TCAIM: variants seen among roughly 807,000 people sequenced by gnomAD.
TCAIM encodes T cell activation inhibitor, mitochondrial, also known as T-cell activation inhibitor, mitochondrial.
TCAIM carries 36 observed loss-of-function variants against 58.6 expected under a neutral mutation model. That is an observed-to-expected ratio of 0.61 (90% CI 0.47 to 0.81). The LOEUF (loss-of-function observed/expected upper bound fraction) is 0.81, where lower values mean the gene tolerates loss of function less well. Ranked by LOEUF, TCAIM falls within the 30% of genes least tolerant of loss-of-function variation. The probability of loss-of-function intolerance (pLI) is 0.00; values close to 1 mark genes in which losing one functional copy is unlikely to be tolerated. For synonymous variants in TCAIM, 172 were observed against 193.6 expected (o/e 0.89, Z 0.93); for missense variants, 466 against 579.6 (o/e 0.80, Z 2.01).
intron 1 of TCAIM, chr3:44,340,026 T>C (rs1700824419): frequency 6.6e-6 from 1 of 152,182 alleles, no homozygotes; most frequent in Non-Finnish European, 1.5e-5. Flanking sequence ...CAAGTGGAAG[T>C]ATAGTGGGCT....
At chr3:44,378,796 CAAAA>C (rs777858437) in intron 5 of TCAIM, among the ~76,000 whole-genome samples, 1 of 121,668 alleles carries the variant, frequency 8.2e-6, no homozygotes, top group Admixed American at 8.5e-5. Context: ...GACTCTGTCT[CAAAA>C]AAAAAAAAAA....
chr3:44,343,446 A>G (rs1309112162), intron 1 of TCAIM, among the ~76,000 whole-genome samples: 1 of 152,226 alleles, frequency 6.6e-6, no homozygotes, highest in African/African-American at 2.4e-5. Context: ...TTTACTTTTT[A>G]AAAAGTAAAA....
In TCAIM at chr3:44,392,870, C is replaced by T; in HGVS notation, c.588C>T (p.Asn196=). The change falls in exon 6 of 11, where the codon AAC becomes AAT. Residue 196 remains asparagine, a synonymous_variant. Coordinates refer to ENST00000342649, the MANE Select transcript of TCAIM (RefSeq NM_173826.4). ...CTCTTTCTAGATCCTGGTTAGATAA[C>T]AATGGGAAAAGTGCTGTTAAAAAGC... ...VETTLTSWLD[N]NGKSAVKKLK... 6.2e-7 allele frequency: 1 copy of T among 1,612,616 alleles called. No homozygotes were observed.
intron 5 of TCAIM, among the ~76,000 whole-genome samples, chr3:44,385,555 C>A (rs902033388): frequency 6.6e-6 from 1 of 151,592 alleles, no homozygotes; most frequent in African/African-American, 2.4e-5. Flanking sequence ...TCCTGGCTAA[C>A]GTGGTGAAAC....
intron 5 of TCAIM, chr3:44,367,963 C>A: frequency 2.8e-6 from 1 of 362,608 alleles, no homozygotes; most frequent in East Asian, 4.8e-5. Context: ...TCTTTTGATA[C>A]CAAACACATG....
At chr3:44,345,535 T>C (rs1269713367) in intron 1 of TCAIM, among the ~76,000 whole-genome samples, 2 of 152,192 alleles carry the variant, frequency 1.3e-5, no homozygotes, top group African/African-American at 4.8e-5. Flanking sequence ...GAGTCCCCTT[T>C]TTTTTTAGCA....
At chr3:44,353,639 G>A (rs1443078904) in intron 1 of TCAIM, among the ~76,000 whole-genome samples, 4 of 152,140 alleles carry the variant, frequency 2.6e-5, no homozygotes, top group African/African-American at 9.7e-5. Context: ...ATTTGCAGTG[G>A]CATCTCACTT....
rs184704981 is a variant in TCAIM, at chr3:44,339,202, A to G, written c.-45+368A>G. Among the ~76,000 whole-genome samples, 447 of 152,226 alleles carry G rather than the reference A, an allele frequency of 2.9e-3. 1 individual carries two copies. Among genetic ancestry groups the G allele is most frequent in the Non-Finnish European group, 4.3e-3 (294 of 68,022 alleles). The stretch of plus-strand genomic sequence containing the variant: ...TTCTTTGCCTTTTTCCCCTACTCTA[A>G]GAAGTTCATATTCAACTGAAAAGCC... On this transcript the variant is annotated intron_variant, in intron 1 of 10. Coordinates refer to ENST00000342649, the MANE Select transcript of TCAIM (RefSeq NM_173826.4).
chr3:44,347,705 C>A (rs1700998646), intron 1 of TCAIM, among the ~76,000 whole-genome samples: 3 of 152,104 alleles, frequency 2.0e-5, no homozygotes, highest in South Asian at 4.1e-4. Flanking sequence ...CTTTAAAAGG[C>A]CATGCTGTAA....
chr3:44,386,696 C>T (rs1379142966), intron 5 of TCAIM, among the ~76,000 whole-genome samples: 2 of 152,358 alleles, frequency 1.3e-5, no homozygotes, highest in African/African-American at 4.8e-5. Flanking sequence ...GGCGCTGACA[C>T]ACCAGCCCCC....
intron 5 of TCAIM, among the ~76,000 whole-genome samples, chr3:44,384,025 TCTTG>T (rs1701696516): frequency 6.6e-6 from 1 of 152,160 alleles, no homozygotes; most frequent in Admixed American, 6.5e-5. Context: ...TTAAAAAACT[TCTTG>T]CTTAGTAGAG....
chr3:44,378,896 C>T (rs1701609941), intron 5 of TCAIM, among the ~76,000 whole-genome samples: 1 of 151,298 alleles, frequency 6.6e-6, no homozygotes, highest in Non-Finnish European at 1.5e-5. Context: ...CAGTTGCTCA[C>T]ACCTGTAATC....
intron 6 of TCAIM, 45 bp downstream of exon 6, chr3:44,393,022 G>T (rs2125651990): frequency 6.4e-7 from 1 of 1,560,006 alleles, no homozygotes; most frequent in Non-Finnish European, 8.7e-7. Flanking sequence ...AAATGAATAT[G>T]AATTACCAAC....
chr3:44,345,086 A>G (rs1443610393), intron 1 of TCAIM, among the ~76,000 whole-genome samples: 1 of 152,090 alleles, frequency 6.6e-6, no homozygotes, highest in Non-Finnish European at 1.5e-5. Context: ...GGGGCCCTGA[A>G]AATTTTTGGG....
In TCAIM at chr3:44,409,327, A is replaced by G. The variant is rs1474045604; in HGVS notation, c.*1645A>G. On this transcript the variant is annotated 3_prime_UTR_variant, in exon 11 of 11. Coordinates refer to ENST00000342649, the MANE Select transcript of TCAIM (RefSeq NM_173826.4). ...CCTTAAGTGTTATATAAGAAAATAT[A>G]TTAGAAAATCAGCTTTGGATTATAC... 1 of 152,244 alleles carries G rather than the reference A, an allele frequency of 6.6e-6. No individual in the cohort carries two copies. The highest frequency in any genetic ancestry group is 1.5e-5 in the Non-Finnish European group (1 of 68,042). 9.4% of individuals were successfully genotyped at this position (152,244 alleles called of 1,614,324 possible).
At chr3:44,392,042 G>A (rs545281243) in intron 5 of TCAIM, among the ~76,000 whole-genome samples, 8 of 152,226 alleles carry the variant, frequency 5.3e-5, no homozygotes, top group South Asian at 4.1e-4. Flanking sequence ...ATAGCTTACC[G>A]AAGGTTGTAA....
At chr3:44,346,211 G>A (rs190871366) in intron 1 of TCAIM, among the ~76,000 whole-genome samples, 58 of 152,272 alleles carry the variant, frequency 3.8e-4, no homozygotes, top group Non-Finnish European at 1.5e-5. Context: ...GACGGTAAGG[G>A]GAAGGTTCTA....
intron 5 of TCAIM, among the ~76,000 whole-genome samples, chr3:44,389,994 G>A (rs145157321): frequency 1.9e-4 from 29 of 152,212 alleles, no homozygotes; most frequent in African/African-American, 7.0e-4. Context: ...CATCTTTCAG[G>A]TTCCAGATCA....
chr3:44,361,490 C>T lies in TCAIM; in HGVS notation c.291C>T (p.Ser97=), dbSNP rs748335218. The T allele has an allele frequency of 1.3e-5, 21 of 1,605,504 alleles. No individual in the cohort carries two copies. Among genetic ancestry groups the T allele is most frequent in the East Asian group, 1.1e-4 (5 of 44,594 alleles). The change falls in exon 4 of 11, where the codon TCC becomes TCT. Residue 97 remains serine (S), a synonymous_variant. Transcript: ENST00000342649. ...TAAGAGAAACAGACCAGAGTTCCTC[C>T]GATGGCCAGGAACCTTTTAGTACTT... ...FYVRETDQSS[S]DGQEPFSTSG...
Sources: gnomAD v4.1 joint callset for allele counts (sites outside exome capture counted in the v4.1 genomes callset) on GRCh38, gnomAD v4.1.1 for gene constraint, MANE v1.5 for transcripts, NCBI Gene and HGNC (gene_info 2026-07-23, HGNC 2026-07-21) for gene names.